Variants in IQCH observed in about 807,000 individuals in gnomAD.
The protein encoded by IQCH is IQ domain-containing protein H.
A neutral mutation model predicts 117.0 loss-of-function variants in IQCH; 98 were observed. The observed-to-expected ratio is 0.84, with a 90% CI of 0.71 to 0.99. The LOEUF (loss-of-function observed/expected upper bound fraction) is 0.99, where lower values mean the gene tolerates loss of function less well. Ranked by LOEUF, IQCH falls within the 50% of genes least tolerant of loss-of-function variation. The pLI is 0.00. For missense variants in IQCH, 1,102 were observed against 1,243.8 expected, an observed-to-expected ratio of 0.89 and a Z score of 1.72; for synonymous variants, 412 against 448.2, an observed-to-expected ratio of 0.92 and a Z score of 1.02.
rs1289942364 is a variant in IQCH, at chr15:67,395,756, C to CT, written c.1905+194dup. 1.3e-4 allele frequency among the ~76,000 whole-genome samples: 17 copies of CT among 129,854 alleles called. No homozygotes were observed. Among genetic ancestry groups the CT allele is most frequent in the African/African-American group, 5.0e-4 (17 of 34,204 alleles). 85.2% of individuals were successfully genotyped at this position (129,854 alleles called of 152,430 possible). On this transcript the variant is annotated intron_variant, in intron 13 of 20. Coordinates refer to ENST00000335894, the MANE Select transcript of IQCH (RefSeq NM_001031715.3). The surrounding 1 kb of genome is among the most constrained non-coding windows in gnomAD (Gnocchi z 4.0). ...TTTATTTTTGAGATGGAGTCTCACT[C>CT]TGTCATCCAGGCTGGAGGGCAGTGG...
chr15:67,489,970 A>G (rs2141089055), intron 18 of IQCH, 33 bp from the exon 19 acceptor site: 1 of 1,400,404 alleles, frequency 7.1e-7, no homozygotes, highest in South Asian at 1.2e-5. Flanking sequence ...GAGATAATAT[A>G]CTATTTCTTT....
chr15:67,296,956 A>T (rs1966855941), intron 4 of IQCH, among the ~76,000 whole-genome samples: 1 of 152,198 alleles, frequency 6.6e-6, no homozygotes, highest in South Asian at 2.1e-4. Flanking sequence ...TCTCTCCCCT[A>T]ACCCTTCTCT....
In IQCH at chr15:67,384,723, T is replaced by TA. The variant is rs1745063464; in HGVS notation, c.1373-212dup. ...TACTGAAAAATGTGAACCCCTCTGT[T>TA]ACAGAGTATGTTGCTTAGCACATCT... On this transcript the variant is annotated intron_variant, in intron 10 of 20. Coordinates refer to ENST00000335894, the MANE Select transcript of IQCH (RefSeq NM_001031715.3). This position sits in a 1 kb window ranked among gnomAD's most constrained non-coding sequence, Gnocchi z 4.3. Among the ~76,000 whole-genome samples, 1 of 152,140 alleles carries TA rather than the reference T, an allele frequency of 6.6e-6. No individual in the cohort carries two copies. The highest frequency in any genetic ancestry group is 6.5e-5 in the Admixed American group (1 of 15,268).
At chr15:67,321,490 TTC>T (rs777118359) in intron 4 of IQCH, among the ~76,000 whole-genome samples, 2 of 151,106 alleles carry the variant, frequency 1.3e-5, no homozygotes, top group African/African-American at 2.4e-5. Flanking sequence ...TTCTTTCTTT[TTC>T]TTTCTTTTTT....
Position 67,261,290 on chromosome 15 carries a change from C to A in IQCH, c.70C>A (p.Gln24Lys). ...ILIQIHEDLY[Q>K]LKEKLTKFSP... ...CCTATAGATCCATGAAGACCTTTATCAGTTAAAGGAGAAATTAACAAAATT... is the reference window on the plus strand; with the variant it reads ...CCTATAGATCCATGAAGACCTTTATAAGTTAAAGGAGAAATTAACAAAATT... Residue 24 changes from glutamine to lysine, a missense_variant, in exon 2 of 21, where the codon CAG becomes AAG. Physicochemically the swap from Gln to Lys is moderately conservative, Grantham distance 53. This residue lies in a region of IQCH where 452 missense variants were observed against 449.6 expected (regional missense o/e 1.01). Transcript: ENST00000335894. 6.5e-7 allele frequency: 1 copy of A among 1,549,388 alleles called. No homozygotes were observed. Among genetic ancestry groups the A allele is most frequent in the South Asian group, 1.2e-5 (1 of 83,572 alleles).
chr15:67,475,615 A>G lies in IQCH; in HGVS notation c.2677-81A>G. 1 of 1,310,230 alleles carries G rather than the reference A, an allele frequency of 7.6e-7. No individual in the cohort carries two copies. Among genetic ancestry groups the G allele is most frequent in the South Asian group, 1.3e-5 (1 of 74,518 alleles). 81.2% of individuals were successfully genotyped at this position (1,310,230 alleles called of 1,614,324 possible). A position where few individuals can be genotyped will look rare whatever the true frequency, so the allele number is the denominator to read the frequency against. Reference sequence around the variant, plus strand: ...AGGAACTCTCAGAATTATCTTCGCAATTTTCCTGTTAATCTCAAGTATTCC... The same window carrying G: ...AGGAACTCTCAGAATTATCTTCGCAGTTTTCCTGTTAATCTCAAGTATTCC... On this transcript the variant is annotated intron_variant, in intron 17 of 20. Transcript: ENST00000335894. This position sits in a 1 kb window ranked among gnomAD's most constrained non-coding sequence, Gnocchi z 5.7.
Position 67,479,046 on chromosome 15 carries a change from T to C in IQCH, c.2799+3228T>C, listed in dbSNP as rs1321772720. Among the ~76,000 whole-genome samples, 1 of 152,184 alleles carries C rather than the reference T, an allele frequency of 6.6e-6. No homozygotes were observed. Among genetic ancestry groups the C allele is most frequent in the Non-Finnish European group, 1.5e-5 (1 of 68,040 alleles). On this transcript the variant is annotated intron_variant, in intron 18 of 20. Transcript: ENST00000335894. The surrounding 1 kb of genome is among the most constrained non-coding windows in gnomAD (Gnocchi z 4.6). ...TATCCTTGCTTTATTTTTCCTGAGA[T>C]GAGTTTTCATCTTTTCAGACCCTGG...
chr15:67,366,196 G>C lies in IQCH; in HGVS notation c.754-5915G>C, dbSNP rs754994615. ...CCAGGCTGCTTTTGATTCCCATCCT[G>C]TCAGGCTTCCTGTCCACATCCCCAG... is the stretch of plus-strand genomic sequence containing the variant. On this transcript the variant is annotated intron_variant, in intron 8 of 20. Transcript: ENST00000335894. This position sits in a 1 kb window ranked among gnomAD's most constrained non-coding sequence, Gnocchi z 4.4. 6.6e-6 allele frequency among the ~76,000 whole-genome samples: 1 copy of C among 152,182 alleles called. No individual in the cohort carries two copies. The highest frequency in any genetic ancestry group is 1.5e-5 in the Non-Finnish European group (1 of 68,038).
chr15:67,423,862 A>T (rs2081816130), intron 16 of IQCH, among the ~76,000 whole-genome samples: 2 of 152,024 alleles, frequency 1.3e-5, no homozygotes, highest in South Asian at 4.1e-4. Context: ...TAAAAAAAAA[A>T]AAAAAGAAAA....
In IQCH at chr15:67,424,245, C is replaced by T. The variant is rs2081829327; in HGVS notation, c.2505+2668C>T. Among the ~76,000 whole-genome samples, 1 of 152,178 alleles carries T rather than the reference C, an allele frequency of 6.6e-6. No homozygotes were observed. The highest frequency in any genetic ancestry group is 2.1e-4 in the South Asian group (1 of 4,830). ...GGGCCTAAACATGCTGTTCCTCCAC[C>T]TTAAATGCTCTTGCCTTTTCTTTTG... On this transcript the variant is annotated intron_variant, in intron 16 of 20. Coordinates refer to ENST00000335894, the MANE Select transcript of IQCH (RefSeq NM_001031715.3). The surrounding 1 kb of genome is among the most constrained non-coding windows in gnomAD (Gnocchi z 4.9).
At chr15:67,371,002 A>T (rs1350037175) in intron 8 of IQCH, among the ~76,000 whole-genome samples, 3 of 152,240 alleles carry the variant, frequency 2.0e-5, no homozygotes, top group Admixed American at 2.0e-4. Context: ...ACTCTTCAAA[A>T]TGCGAAGAGT....
Position 67,372,156 on chromosome 15 carries a change from G to T in IQCH, c.799G>T (p.Asp267Tyr). ...TTTGAGAGCCCTGAAATCACTGTGG[G>T]ATTATGACTTTTTAATTTATGATGG... The part of the protein sequence containing the change: ...TPLRALKSLW[D>Y]YDFLIYDGVI... Residue 267 changes from aspartate to tyrosine, a missense_variant, in exon 9 of 21, where the codon GAT (aspartate) becomes TAT (tyrosine). Coordinates refer to ENST00000335894, the MANE Select transcript of IQCH (RefSeq NM_001031715.3). 2 of 1,613,686 alleles carry T rather than the reference G, an allele frequency of 1.2e-6. No individual in the cohort carries two copies. The highest frequency in any genetic ancestry group is 1.7e-6 in the Non-Finnish European group (2 of 1,179,884).
chr15:67,381,301 C>G lies in IQCH; in HGVS notation c.1373-3635C>G, dbSNP rs1182427457. ...ATTGCCAGTAACCCTTGATGAGCAA[C>G]CTTGGTTCAGTGGGGGACCAGAAGT... On this transcript the variant is annotated intron_variant, in intron 10 of 20. Coordinates refer to ENST00000335894, the MANE Select transcript of IQCH (RefSeq NM_001031715.3). This position sits in a 1 kb window ranked among gnomAD's most constrained non-coding sequence, Gnocchi z 5.1. 6.6e-6 allele frequency among the ~76,000 whole-genome samples: 1 copy of G among 152,170 alleles called. No homozygotes were observed. The highest frequency in any genetic ancestry group is 1.5e-5 in the Non-Finnish European group (1 of 68,008).
intron 4 of IQCH, among the ~76,000 whole-genome samples, chr15:67,304,944 T>C (rs1967226085): frequency 6.6e-6 from 1 of 151,884 alleles, no homozygotes. Context: ...GAGGGAAAAA[T>C]AGTCAAATGT....
At position 67,393,041 on chromosome 15, in the gene IQCH, A is replaced by ATTAC. The variant is rs1971339134; in HGVS notation, c.1633-2249_1633-2246dup. 6.6e-6 allele frequency among the ~76,000 whole-genome samples: 1 copy of ATTAC among 152,126 alleles called. No homozygotes were observed. The highest frequency in any genetic ancestry group is 1.5e-5 in the Non-Finnish European group (1 of 68,014). Reference sequence around the variant, plus strand: ...AGTACATTCACATTGTTGTACAACCATTACCACTATCAATTTCAGAACTTT... The same window carrying ATTAC: ...AGTACATTCACATTGTTGTACAACCATTACTTACCACTATCAATTTCAGAACTTT... On this transcript the variant is annotated intron_variant, in intron 12 of 20. Coordinates refer to ENST00000335894, the MANE Select transcript of IQCH (RefSeq NM_001031715.3). The surrounding 1 kb of genome is among the most constrained non-coding windows in gnomAD (Gnocchi z 5.5).
At chr15:67,434,844 C>A (rs62016031) in intron 16 of IQCH, among the ~76,000 whole-genome samples, 3 of 146,934 alleles carry the variant, frequency 2.0e-5, no homozygotes, top group Non-Finnish European at 4.5e-5. Context: ...AGTGCAGTGG[C>A]GTGGCTCACT....
intron 8 of IQCH, among the ~76,000 whole-genome samples, chr15:67,367,268 G>A (rs1240406084): frequency 6.6e-6 from 1 of 152,168 alleles, no homozygotes; most frequent in African/African-American, 2.4e-5. Flanking sequence ...GAGTGCAGTG[G>A]GTCATGCCTG....
chr15:67,403,866 G>A lies in IQCH; in HGVS notation c.2097+3561G>A, dbSNP rs1971772589. The A allele has an allele frequency of 6.6e-6, 1 of 152,168 alleles. No individual in the cohort carries two copies. Among genetic ancestry groups the A allele is most frequent in the Admixed American group, 6.5e-5 (1 of 15,272 alleles). The allele number at this position is 152,168 out of a possible 1,614,324, so 9.4% of individuals were successfully genotyped here. A position where few individuals can be genotyped will look rare whatever the true frequency, so the allele number is the denominator to read the frequency against. The stretch of plus-strand genomic sequence containing the variant: ...TGGCAGTGATGCTACTGGTGACACT[G>A]CTTTGCAAGAGATCTTTGTAGAACA... On this transcript the variant is annotated intron_variant, in intron 14 of 20. Coordinates refer to ENST00000335894, the MANE Select transcript of IQCH (RefSeq NM_001031715.3). This position sits in a 1 kb window ranked among gnomAD's most constrained non-coding sequence, Gnocchi z 4.8.
chr15:67,286,882 G>T (rs1036501207), intron 4 of IQCH, among the ~76,000 whole-genome samples: 4 of 151,990 alleles, frequency 2.6e-5, no homozygotes, highest in Non-Finnish European at 4.4e-5. Flanking sequence ...CAAAGTGCTG[G>T]GATTACAGGT....
Sources: gnomAD v4.1 joint callset for allele counts (sites outside exome capture counted in the v4.1 genomes callset) on GRCh38, gnomAD v4.1.1 for gene constraint, gnomAD v4.1.1 regional missense constraint, Gnocchi (gnomAD v3.1) non-coding constraint, MANE v1.5 for transcripts, NCBI Gene and HGNC (gene_info 2026-07-23, HGNC 2026-07-21) for gene names.